The following R3HCC1L variants were observed in gnomAD, a reference collection of about 807,000 sequenced individuals.
R3HCC1L encodes coiled-coil domain-containing protein R3HCC1L.
R3HCC1L carries 51 observed loss-of-function variants against 59.9 expected under a neutral mutation model. That is an observed-to-expected ratio of 0.85 (90% CI 0.68 to 1.07). The LOEUF is 1.07. R3HCC1L is among the 50% of genes least tolerant of loss of function. The probability of loss-of-function intolerance (pLI) is 0.00; values close to 1 mark genes in which losing one functional copy is unlikely to be tolerated. For missense variants in R3HCC1L, 965 were observed against 933.0 expected, an observed-to-expected ratio of 1.03 and a Z score of -0.45; for synonymous variants, 322 against 315.2, an observed-to-expected ratio of 1.02 and a Z score of -0.23.
In R3HCC1L at chr10:98,163,273, T is replaced by A. The variant is rs866123873; in HGVS notation, c.-119-20T>A. ...AACTGTGTATTTTTATAAAAATAAC[T>A]TATTATTACTATTTTTCAGGTGAGG... On this transcript the variant is annotated intron_variant, in intron 3 of 9. Coordinates refer to ENST00000298999, the MANE Select transcript of R3HCC1L (RefSeq NM_001351015.2). The A allele has an allele frequency of 3.0e-5, 15 of 495,114 alleles. No homozygotes were observed. The Middle Eastern group carries it at 3.9e-3, about 127-fold the overall frequency. The allele number at this position is 495,114 out of a possible 1,614,324, so 30.7% of individuals were successfully genotyped here.
intron 4 of R3HCC1L, among the ~76,000 whole-genome samples, chr10:98,177,901 G>GT (rs1213850078): frequency 6.6e-6 from 1 of 151,996 alleles, no homozygotes; most frequent in East Asian, 1.9e-4. Flanking sequence ...TTGTAAATTT[G>GT]TTTAAGTTTT....
intron 4 of R3HCC1L, among the ~76,000 whole-genome samples, chr10:98,189,354 C>T (rs990698299): frequency 6.6e-6 from 1 of 152,138 alleles, no homozygotes; most frequent in African/African-American, 2.4e-5. Context: ...TTATACATGG[C>T]GCAGTTTGGC....
rs1225104276 is a variant in R3HCC1L, at chr10:98,208,980, T to G, written c.866T>G (p.Val289Gly). ...TGCGTAGATTTTGAAGTTGAGAGTG[T>G]AGGTGGTATAGCCAATAGTACAGGT... Reference protein sequence around the residue: ...QTCVDFEVESVGGIANSTGFI... With the variant: ...QTCVDFEVESGGGIANSTGFI... Residue 289 changes from valine (V) to glycine (G), a missense_variant, in exon 5 of 10, where the codon GTA becomes GGA. By Grantham distance (109) the Val-to-Gly change is moderately radical. Transcript: ENST00000298999. 1 of 1,613,794 alleles carries G rather than the reference T, an allele frequency of 6.2e-7. No homozygotes were observed. Among genetic ancestry groups the G allele is most frequent in the Non-Finnish European group, 8.5e-7 (1 of 1,179,858 alleles).
intron 5 of R3HCC1L, chr10:98,230,886 T>G (rs1856299846): frequency 6.0e-6 from 1 of 167,508 alleles, no homozygotes; most frequent in Admixed American, 6.1e-5. Flanking sequence ...TTGTTACCTC[T>G]TTTATTAATT....
At chr10:98,173,927 C>G (rs959475877) in intron 4 of R3HCC1L, among the ~76,000 whole-genome samples, 1 of 152,170 alleles carries the variant, frequency 6.6e-6, no homozygotes, top group Non-Finnish European at 1.5e-5. Context: ...AGAGAAGTGT[C>G]TGTGAGCTGC....
At chr10:98,222,790 A>C (rs1298926398) in intron 5 of R3HCC1L, among the ~76,000 whole-genome samples, 2 of 152,168 alleles carry the variant, frequency 1.3e-5, no homozygotes, top group African/African-American at 4.8e-5. Flanking sequence ...ATAGACCGCT[A>C]GCAAGACTAA....
intron 4 of R3HCC1L, among the ~76,000 whole-genome samples, chr10:98,172,186 G>A (rs1848582510): frequency 6.6e-6 from 1 of 152,086 alleles, no homozygotes; most frequent in Non-Finnish European, 1.5e-5. Flanking sequence ...TACACTCCAC[G>A]GGATATACAC....
At chr10:98,170,913 G>T (rs1848452066) in intron 4 of R3HCC1L, among the ~76,000 whole-genome samples, 1 of 152,334 alleles carries the variant, frequency 6.6e-6, no homozygotes, top group African/African-American at 2.4e-5. Flanking sequence ...AGGAATAGAG[G>T]TATCTAATTG....
At chr10:98,186,272 C>G (rs1850217067) in intron 4 of R3HCC1L, among the ~76,000 whole-genome samples, 1 of 152,064 alleles carries the variant, frequency 6.6e-6, no homozygotes. Context: ...GCCTGATTGT[C>G]TTTGAGTGTT....
At chr10:98,226,194 C>T (rs1266346108) in intron 5 of R3HCC1L, among the ~76,000 whole-genome samples, 1 of 152,130 alleles carries the variant, frequency 6.6e-6, no homozygotes, top group African/African-American at 2.4e-5. Flanking sequence ...TGCATTGTAT[C>T]TTTGACAGTG....
At chr10:98,216,874 C>T (rs574477424) in intron 5 of R3HCC1L, among the ~76,000 whole-genome samples, 10 of 152,162 alleles carry the variant, frequency 6.6e-5, no homozygotes, top group African/African-American at 2.2e-4. Context: ...CTCACTACAC[C>T]CAGCTTAGAA....
chr10:98,165,397 G>C (rs10736123), intron 4 of R3HCC1L, among the ~76,000 whole-genome samples: 2 of 152,206 alleles, frequency 1.3e-5, no homozygotes, highest in East Asian at 1.9e-4. Flanking sequence ...TAAAGGTAAG[G>C]GTAATGGGGA....
chr10:98,180,070 G>T (rs1849481846), intron 4 of R3HCC1L, among the ~76,000 whole-genome samples: 1 of 152,056 alleles, frequency 6.6e-6, no homozygotes, highest in Admixed American at 6.5e-5. Flanking sequence ...GTTTTGCTCT[G>T]ATCTTAGTTA....
At chr10:98,222,512 G>A (rs1855130511) in intron 5 of R3HCC1L, among the ~76,000 whole-genome samples, 2 of 151,884 alleles carry the variant, frequency 1.3e-5, no homozygotes, top group South Asian at 4.2e-4. Flanking sequence ...TATTGGCTGT[G>A]GGTTTGTCAT....
intron 4 of R3HCC1L, among the ~76,000 whole-genome samples, chr10:98,204,988 A>G (rs1481390005): frequency 6.6e-6 from 1 of 152,170 alleles, no homozygotes; most frequent in Non-Finnish European, 1.5e-5. Context: ...TCTGTGAGTT[A>G]TGAAAAAATG....
At chr10:98,226,231 T>C (rs994446490) in intron 5 of R3HCC1L, among the ~76,000 whole-genome samples, 1 of 152,232 alleles carries the variant, frequency 6.6e-6, no homozygotes, top group Non-Finnish European at 1.5e-5. Context: ...TTTATGAATG[T>C]ACAAACATGC....
intron 4 of R3HCC1L, among the ~76,000 whole-genome samples, chr10:98,197,725 A>T (rs993254270): frequency 6.6e-6 from 1 of 152,216 alleles, no homozygotes; most frequent in African/African-American, 2.4e-5. Context: ...ACACTGAAGA[A>T]GAGAGGCAGA....
intron 2 of R3HCC1L, among the ~76,000 whole-genome samples, chr10:98,157,315 G>A (rs1846975870): frequency 6.6e-6 from 1 of 152,210 alleles, no homozygotes; most frequent in Non-Finnish European, 1.5e-5. Flanking sequence ...GGGACCTGGT[G>A]TATGGAATGG....
chr10:98,173,843 A>G lies in R3HCC1L; in HGVS notation c.-15+10446A>G, dbSNP rs1473447499. On this transcript the variant is annotated intron_variant, in intron 4 of 9. Transcript: ENST00000298999. Reference sequence around the variant, plus strand: ...CATGGGGCCTGGCAGATAGCATTCTAGAACTTGTGCCAAAGATGATGAAAA... The same window carrying G: ...CATGGGGCCTGGCAGATAGCATTCTGGAACTTGTGCCAAAGATGATGAAAA... Among the ~76,000 whole-genome samples, 3 of 152,192 alleles carry G rather than the reference A, an allele frequency of 2.0e-5. No homozygotes were observed. The East Asian group carries it at 5.8e-4, about 29-fold the overall frequency.
Sources: allele counts gnomAD v4.1 joint callset (sites outside exome capture counted in the v4.1 genomes callset), GRCh38; gene constraint gnomAD v4.1.1; transcripts MANE v1.5; gene names NCBI Gene and HGNC (gene_info 2026-07-23, HGNC 2026-07-21).